The following DCAF4 variants were observed in gnomAD, a reference collection of about 807,000 sequenced individuals.
DCAF4 encodes DDB1 and CUL4 associated factor 4, also known as DDB1- and CUL4-associated factor 4.
Under a neutral mutation model 60.9 loss-of-function variants are expected in DCAF4, and 37 were observed. The observed-to-expected ratio is 0.61, with a 90% CI of 0.47 to 0.80. The LOEUF is 0.80. Among genes scored for constraint, DCAF4 ranks in the 30% least tolerant of loss-of-function variants. The probability of loss-of-function intolerance (pLI) is 0.00; values close to 1 mark genes in which losing one functional copy is unlikely to be tolerated. For synonymous variants in DCAF4, 243 were observed against 254.8 expected (o/e 0.95, Z 0.44); for missense variants, 577 against 650.0 (o/e 0.89, Z 1.22).
At chr14:72,929,996 G>A in intron 1 of DCAF4, 2 of 644,288 alleles carry the variant, frequency 3.1e-6, no homozygotes, top group Non-Finnish European at 5.4e-6. Context: ...GCCTGGTGTT[G>A]TGGCTCGTGC....
In DCAF4 at chr14:72,951,807, C is replaced by T. The variant is rs1260411328; in HGVS notation, c.738C>T (p.Leu246=). ...NHLDSHILLC[L]MGLAETPGCA... ...TAACAGCTTTTTCCAGGCTATGCCT[C>T]ATGGGACTCGCAGAGACTCCAGGCT... Residue 246 remains leucine, a synonymous_variant, in exon 9 of 14, where the codon CTC becomes CTT. Transcript: ENST00000358377. 1 of 1,614,024 alleles carries T rather than the reference C, an allele frequency of 6.2e-7. No homozygotes were observed. The highest frequency in any genetic ancestry group is 8.5e-7 in the Non-Finnish European group (1 of 1,180,028).
At chr14:72,931,776 A>G (rs1172262373) in intron 1 of DCAF4, among the ~76,000 whole-genome samples, 6 of 152,226 alleles carry the variant, frequency 3.9e-5, no homozygotes, top group Non-Finnish European at 7.4e-5. Context: ...CTGTGTATCA[A>G]TTGAGAAAAT....
At chr14:72,960,640 A>C (rs1210389412), downstream of DCAF4, 1 of 1,062,944 alleles carries the variant, frequency 9.4e-7, no homozygotes, top group Non-Finnish European at 1.2e-6. Flanking sequence ...AGTAGAATGC[A>C]TCCTCCACAT....
chr14:72,940,114 GAA>G, intron 3 of DCAF4, 104 bp from the exon 4 acceptor site: 4 of 1,480,044 alleles, frequency 2.7e-6, no homozygotes, highest in South Asian at 1.2e-5. Context: ...CCCGCCCTCA[GAA>G]AAGACAGGCA....
intron 13 of DCAF4, chr14:72,957,635 G>A (rs1031410171): frequency 1.3e-5 from 2 of 152,214 alleles, no homozygotes; most frequent in Non-Finnish European, 1.5e-5. Flanking sequence ...CTGGATGATA[G>A]AGAGAGCTCA....
chr14:72,928,066 G>A (rs1343443868), intron 1 of DCAF4, among the ~76,000 whole-genome samples: 1 of 151,812 alleles, frequency 6.6e-6, no homozygotes, highest in Non-Finnish European at 1.5e-5. Flanking sequence ...CTCCCAAAGT[G>A]CTGGGATTAG....
chr14:72,933,528 C>G (rs1351938212), intron 1 of DCAF4, among the ~76,000 whole-genome samples: 1 of 150,756 alleles, frequency 6.6e-6, no homozygotes, highest in Non-Finnish European at 1.5e-5. Context: ...CATTGCACTC[C>G]AGCCTGGGTG....
chr14:72,929,928 C>T, intron 1 of DCAF4: 1 of 1,112,860 alleles, frequency 9.0e-7, no homozygotes, highest in Non-Finnish European at 1.3e-6. Flanking sequence ...AGCGCAGAGC[C>T]ATGGCTGCTG....
intron 1 of DCAF4, among the ~76,000 whole-genome samples, chr14:72,930,234 G>T (rs1307824630): frequency 6.8e-6 from 1 of 146,798 alleles, no homozygotes. Context: ...TTGGCTATTT[G>T]TGTAGCTTTT....
chr14:72,939,903 G>T lies in DCAF4; in HGVS notation c.193+1G>T, dbSNP rs1594754091. 1.2e-6 allele frequency: 2 copies of T among 1,602,942 alleles called. No homozygotes were observed. Among genetic ancestry groups the T allele is most frequent in the Non-Finnish European group, 1.7e-6 (2 of 1,174,910 alleles). ...ACAGCTGGGACCTCCTCTGTGCCAGGTAAGGCCACTTGCGGGGTGGGAATC... is the reference window on the plus strand; with the variant it reads ...ACAGCTGGGACCTCCTCTGTGCCAGTTAAGGCCACTTGCGGGGTGGGAATC... On this transcript the variant is annotated splice_donor_variant, in intron 3 of 13. Transcript: ENST00000358377. LOFTEE classifies it high-confidence loss of function.
rs200500208 is a variant in DCAF4, at chr14:72,955,734, G to A, written c.1179+38G>A. 8.4e-4 allele frequency: 1,323 copies of A among 1,575,490 alleles called. 9 individuals carry two copies. Among genetic ancestry groups the A allele is most frequent in the South Asian group, 6.0e-3 (523 of 87,206 alleles). ...GGACTTTCTCAGGCCACAGGGTCTC[G>A]TGGCCCAGTGCCCTGCCAGGTGAAA... On this transcript the variant is annotated intron_variant, in intron 12 of 13. Coordinates refer to ENST00000358377, the MANE Select transcript of DCAF4 (RefSeq NM_015604.4).
chr14:72,945,539 T>G (rs932103809), intron 6 of DCAF4, among the ~76,000 whole-genome samples: 5 of 152,028 alleles, frequency 3.3e-5, no homozygotes, highest in African/African-American at 1.2e-4. Context: ...GCCACAGCCT[T>G]CGTGATGGCA....
intron 2 of DCAF4, among the ~76,000 whole-genome samples, chr14:72,938,515 T>C (rs1188230001): frequency 6.6e-6 from 1 of 152,224 alleles, no homozygotes; most frequent in Non-Finnish European, 1.5e-5. Context: ...GAATGCATTC[T>C]GAGGAATATG....
At chr14:72,949,290 A>T (rs971169987) in intron 8 of DCAF4, among the ~76,000 whole-genome samples, 1 of 152,184 alleles carries the variant, frequency 6.6e-6, no homozygotes, top group Non-Finnish European at 1.5e-5. Context: ...TACAAAAAAA[A>T]TAATAATAAA....
chr14:72,944,226 ACT>A (rs1253692383), intron 6 of DCAF4, among the ~76,000 whole-genome samples: 1 of 151,930 alleles, frequency 6.6e-6, no homozygotes, highest in African/African-American at 2.4e-5. Context: ...AGTTACCGTG[ACT>A]CTGGCTGGCC....
intron 2 of DCAF4, 59 bp from the exon 3 acceptor site, chr14:72,939,742 CG>C: frequency 6.8e-7 from 1 of 1,468,652 alleles, no homozygotes; most frequent in African/African-American, 1.4e-5. Flanking sequence ...TCCCTGCCCC[CG>C]TCAGAATGGC....
At chr14:72,927,330 T>C (rs1280781911) in intron 1 of DCAF4, among the ~76,000 whole-genome samples, 1 of 143,434 alleles carries the variant, frequency 7.0e-6, no homozygotes, top group Non-Finnish European at 1.5e-5. Flanking sequence ...GAAATTAGAG[T>C]CGCGGTGGTG....
rs759281290 is a variant in DCAF4 at position 72,958,729 on chromosome 14, G to GGCTGGGGGGCT, written c.1413_1423dup (p.Ser475CysfsTer42). The GGCTGGGGGGCT allele has an allele frequency of 2.5e-6, 4 of 1,613,460 alleles. No homozygotes were observed. The highest frequency in any genetic ancestry group is 2.5e-6 in the Non-Finnish European group (3 of 1,179,684). On this transcript the variant is annotated frameshift_variant, in exon 14 of 14. Coordinates refer to ENST00000358377, the MANE Select transcript of DCAF4 (RefSeq NM_015604.4). LOFTEE classifies it high-confidence loss of function. ...ATTCCCAGTGTGGCCTTCTCGTCGC[G>GGCTGGGGGGCT]GCTGGGGGGCTCCCGGGGCGCGCCG...
In DCAF4 at chr14:72,958,872, C is replaced by T. The variant is rs1048863740; in HGVS notation, c.*67C>T. On this transcript the variant is annotated 3_prime_UTR_variant, in exon 14 of 14. Transcript: ENST00000358377. ...GGGAGTAAAGCGTAACTTTTTACTG[C>T]ATCTAATGAGGGTGTTTTAAGTGAC... 2 of 1,505,796 alleles carry T rather than the reference C, an allele frequency of 1.3e-6. No individual in the cohort carries two copies. Among genetic ancestry groups the T allele is most frequent in the African/African-American group, 1.4e-5 (1 of 71,410 alleles). 93.3% of individuals were successfully genotyped at this position (1,505,796 alleles called of 1,614,324 possible). A position where few individuals can be genotyped will look rare whatever the true frequency, so the allele number is the denominator to read the frequency against.
Sources: allele counts gnomAD v4.1 joint callset (sites outside exome capture counted in the v4.1 genomes callset), GRCh38; gene constraint gnomAD v4.1.1; transcripts MANE v1.5; gene names NCBI Gene and HGNC (gene_info 2026-07-23, HGNC 2026-07-21).